Variants in HPSE2 observed in about 807,000 individuals in gnomAD.
The protein encoded by HPSE2 is inactive heparanase-2.
In HPSE2, 38 loss-of-function variants were observed where a neutral mutation model predicts 60.5. The observed-to-expected ratio is 0.63, with a 90% CI of 0.48 to 0.82. The LOEUF is 0.82. Among genes scored for constraint, HPSE2 ranks in the 40% least tolerant of loss-of-function variants. The pLI, the probability that HPSE2 is intolerant of heterozygous loss-of-function variation, is 0.00. For missense variants in HPSE2, 713 were observed against 740.4 expected, an observed-to-expected ratio of 0.96 and a Z score of 0.43; for synonymous variants, 295 against 293.2, an observed-to-expected ratio of 1.01 and a Z score of -0.06.
chr10:98,689,232 G>T (rs1403306333), intron 6 of HPSE2, among the ~76,000 whole-genome samples: 2 of 151,946 alleles, frequency 1.3e-5, no homozygotes, highest in Non-Finnish European at 2.9e-5. Context: ...GCATATGTTA[G>T]GCTATTTGGT....
intron 2 of HPSE2, among the ~76,000 whole-genome samples, chr10:99,205,592 C>G (rs556415542): frequency 6.6e-6 from 1 of 152,134 alleles, no homozygotes; most frequent in African/African-American, 2.4e-5. Flanking sequence ...AAAAAAAAAG[C>G]TCATTTTCTT....
intron 3 of HPSE2, among the ~76,000 whole-genome samples, chr10:98,934,476 G>A (rs2135121712): frequency 6.9e-6 from 1 of 144,478 alleles, no homozygotes; most frequent in East Asian, 2.0e-4. Flanking sequence ...GCCTGGTGGT[G>A]ACAAAAATCC....
intron 3 of HPSE2, among the ~76,000 whole-genome samples, chr10:98,841,033 G>A (rs1292892027): frequency 3.3e-5 from 5 of 152,144 alleles, no homozygotes; most frequent in African/African-American, 9.7e-5. Context: ...CAAGGGGGGC[G>A]AATCACTTGA....
At chr10:99,133,374 G>A (rs775270516) in intron 3 of HPSE2, among the ~76,000 whole-genome samples, 2 of 152,234 alleles carry the variant, frequency 1.3e-5, no homozygotes, top group Non-Finnish European at 2.9e-5. Flanking sequence ...TCCCAGCACA[G>A]CATTCGAGCT....
intron 3 of HPSE2, among the ~76,000 whole-genome samples, chr10:98,873,088 G>A (rs1416210559): frequency 6.6e-6 from 1 of 151,990 alleles, no homozygotes; most frequent in Non-Finnish European, 1.5e-5. Context: ...TTTACTTAAT[G>A]CTGGAGTTTT....
At chr10:98,551,391 A>G (rs768459556) in intron 9 of HPSE2, among the ~76,000 whole-genome samples, 14 of 151,970 alleles carry the variant, frequency 9.2e-5, no homozygotes, top group African/African-American at 1.5e-4. Context: ...CCTGTCATCA[A>G]CTCCCATTTC....
chr10:99,199,801 G>A (rs1212679636), intron 2 of HPSE2, among the ~76,000 whole-genome samples: 1 of 152,020 alleles, frequency 6.6e-6, no homozygotes, highest in Non-Finnish European at 1.5e-5. Flanking sequence ...TGTTTTCTCT[G>A]TTTCTGTTAA....
chr10:99,117,289 A>T (rs933048284), intron 3 of HPSE2, among the ~76,000 whole-genome samples: 2 of 151,088 alleles, frequency 1.3e-5, no homozygotes, highest in Non-Finnish European at 3.0e-5. Flanking sequence ...AGAGAACCAG[A>T]GAACCAAGAG....
intron 3 of HPSE2, among the ~76,000 whole-genome samples, chr10:98,895,748 T>G (rs1590033234): frequency 6.6e-6 from 1 of 151,162 alleles, no homozygotes; most frequent in African/African-American, 2.4e-5. Flanking sequence ...TGGAATACTA[T>G]GCAGCCATAA....
the HPSE2 span, among the ~76,000 whole-genome samples, chr10:99,299,762 A>C: frequency 2.0e-5 from 3 of 152,278 alleles, no homozygotes; most frequent in East Asian, 5.8e-4. Context: ...TAAATTATGA[A>C]AAGGTGAGAG....
chr10:98,594,382 T>C (rs2133949443), intron 9 of HPSE2, among the ~76,000 whole-genome samples: 1 of 152,286 alleles, frequency 6.6e-6, no homozygotes, highest in East Asian at 1.9e-4. Context: ...TTCAATTTAT[T>C]AGATTATATC....
intron 3 of HPSE2, among the ~76,000 whole-genome samples, chr10:98,836,614 A>G (rs1951796345): frequency 6.6e-6 from 1 of 152,202 alleles, no homozygotes; most frequent in African/African-American, 2.4e-5. Context: ...GTAAGGACAG[A>G]CTGGAATTCA....
chr10:99,284,823 T>C, the HPSE2 span, among the ~76,000 whole-genome samples: 1 of 152,126 alleles, frequency 6.6e-6, no homozygotes, highest in Non-Finnish European at 1.5e-5. Context: ...TCAACCTAAA[T>C]GCCCATCAAT....
chr10:98,736,285 C>T (rs1215219738), intron 4 of HPSE2, among the ~76,000 whole-genome samples: 2 of 151,734 alleles, frequency 1.3e-5, no homozygotes, highest in Non-Finnish European at 1.5e-5. Context: ...GATTGTGAGG[C>T]CACCCCAGTC....
chr10:98,860,979 T>A (rs1360598408), intron 3 of HPSE2, among the ~76,000 whole-genome samples: 1 of 152,132 alleles, frequency 6.6e-6, no homozygotes, highest in African/African-American at 2.4e-5. Flanking sequence ...ATCCATTACA[T>A]CATACAGAGC....
chr10:98,620,081 T>C (rs1565021579), intron 8 of HPSE2, among the ~76,000 whole-genome samples: 1 of 152,220 alleles, frequency 6.6e-6, no homozygotes, highest in Non-Finnish European at 1.5e-5. Flanking sequence ...GTAGCATCGA[T>C]TTCATTGGTT....
intron 3 of HPSE2, among the ~76,000 whole-genome samples, chr10:98,857,313 G>T (rs1332655429): frequency 6.6e-6 from 1 of 152,092 alleles, no homozygotes; most frequent in African/African-American, 2.4e-5. Context: ...TTTGCAGCCA[G>T]ACCTATACGT....
intron 9 of HPSE2, among the ~76,000 whole-genome samples, chr10:98,521,216 GA>G (rs1480785714): frequency 1.3e-5 from 2 of 152,084 alleles, no homozygotes; most frequent in Non-Finnish European, 2.9e-5. Context: ...CTACAGAATG[GA>G]AGAAAATTTT....
intron 3 of HPSE2, among the ~76,000 whole-genome samples, chr10:99,115,549 C>T (rs1366393918): frequency 6.6e-6 from 1 of 151,962 alleles, no homozygotes; most frequent in African/African-American, 2.4e-5. Flanking sequence ...CTCATCTTGG[C>T]CTCCCAAAGA....
Sources: gnomAD v4.1 joint callset for allele counts (sites outside exome capture counted in the v4.1 genomes callset) on GRCh38, gnomAD v4.1.1 for gene constraint, MANE v1.5 for transcripts, NCBI Gene and HGNC (gene_info 2026-07-23, HGNC 2026-07-21) for gene names.